Variants in ENTREP2 observed in about 807,000 individuals in gnomAD.
ENTREP2 encodes the protein protein ENTREP2.
At chr15:29,198,639 G>T in the ENTREP2 span, among the ~76,000 whole-genome samples, 1 of 152,170 alleles carries the variant, frequency 6.6e-6, no homozygotes, top group Admixed American at 6.5e-5. Context: ...AACATATTCA[G>T]TTCAATGATT....
At chr15:29,590,464 C>T in the ENTREP2 span, among the ~76,000 whole-genome samples, 1 of 152,006 alleles carries the variant, frequency 6.6e-6, no homozygotes, top group African/African-American at 2.4e-5. Context: ...GGGCAGATCA[C>T]CTGAGGTCAG....
the ENTREP2 span, among the ~76,000 whole-genome samples, chr15:29,257,921 G>A: frequency 6.6e-6 from 1 of 152,002 alleles, no homozygotes; most frequent in Non-Finnish European, 1.5e-5. Context: ...ACATAGAAAG[G>A]GCCAACTTTG....
chr15:29,546,504 A>AAAGT, the ENTREP2 span, among the ~76,000 whole-genome samples: 1 of 152,344 alleles, frequency 6.6e-6, no homozygotes, highest in East Asian at 1.9e-4. Context: ...CAGATGTCAA[A>AAAGT]AAGTACATGG....
chr15:29,252,528 AGG>A, the ENTREP2 span: 2 of 1,079,962 alleles, frequency 1.9e-6, no homozygotes, highest in South Asian at 2.9e-5. Context: ...AGAGGCTCAA[AGG>A]AAAAATGACA....
the ENTREP2 span, among the ~76,000 whole-genome samples, chr15:29,206,633 A>G: frequency 1.5e-4 from 23 of 152,172 alleles, no homozygotes; most frequent in African/African-American, 5.6e-4. Flanking sequence ...TCTGGGACTC[A>G]GTCGGGGACA....
chr15:29,657,035 T>C, the ENTREP2 span, among the ~76,000 whole-genome samples: 5 of 152,066 alleles, frequency 3.3e-5, no homozygotes, highest in Non-Finnish European at 5.9e-5. Flanking sequence ...AGCCGGGCCT[T>C]CGTGGTGAGT....
chr15:29,641,355 G>T, the ENTREP2 span, among the ~76,000 whole-genome samples: 1 of 151,810 alleles, frequency 6.6e-6, no homozygotes, highest in African/African-American at 2.4e-5. Flanking sequence ...AATTGGAAAG[G>T]AAAAAATAAA....
chr15:29,511,329 C>CTTTT, the ENTREP2 span, among the ~76,000 whole-genome samples: 2 of 132,888 alleles, frequency 1.5e-5, no homozygotes, highest in African/African-American at 5.9e-5. Context: ...TACTTTTCTT[C>CTTTT]TTCTTTTTTC....
chr15:29,405,978 G>A, the ENTREP2 span, among the ~76,000 whole-genome samples: 82 of 152,318 alleles, frequency 5.4e-4, no homozygotes, highest in African/African-American at 1.8e-3. Context: ...AGGAAATAAT[G>A]AAACCATCTA....
At chr15:29,656,071 T>C in the ENTREP2 span, among the ~76,000 whole-genome samples, 1 of 150,154 alleles carries the variant, frequency 6.7e-6, no homozygotes, top group East Asian at 1.9e-4. Context: ...GGCATAACAC[T>C]TTTAAAGAGC....
the ENTREP2 span, among the ~76,000 whole-genome samples, chr15:29,512,291 C>G: frequency 6.6e-6 from 1 of 152,052 alleles, no homozygotes; most frequent in Admixed American, 6.6e-5. Context: ...GTCTTGGATT[C>G]AACAAATATG....
At chr15:29,339,044 T>C in the ENTREP2 span, among the ~76,000 whole-genome samples, 2 of 152,090 alleles carry the variant, frequency 1.3e-5, no homozygotes, top group Non-Finnish European at 2.9e-5. Context: ...GCACTGCCAA[T>C]CTCAGCAACA....
the ENTREP2 span, among the ~76,000 whole-genome samples, chr15:29,615,159 C>CT: frequency 2.2e-3 from 314 of 142,278 alleles, no homozygotes; most frequent in South Asian, 9.0e-3. Flanking sequence ...ATTTTTTTTT[C>CT]TTTTTTTTTT....
chr15:29,233,767 A>G, the ENTREP2 span: 2 of 1,533,360 alleles, frequency 1.3e-6, no homozygotes, highest in Non-Finnish European at 1.8e-6. Flanking sequence ...AATCAGTCTG[A>G]TGATGTGTGT....
the ENTREP2 span, among the ~76,000 whole-genome samples, chr15:29,415,169 T>C: frequency 1.3e-5 from 2 of 152,182 alleles, no homozygotes; most frequent in Non-Finnish European, 2.9e-5. Flanking sequence ...AGCATCATCC[T>C]GATACAAAGT....
At chr15:29,157,373 C>T in the ENTREP2 span, among the ~76,000 whole-genome samples, 14 of 152,210 alleles carry the variant, frequency 9.2e-5, no homozygotes, top group Non-Finnish European at 1.9e-4. Context: ...TGGGGGCCTC[C>T]GCAGGCTCCC....
At chr15:29,540,548 C>T in the ENTREP2 span, among the ~76,000 whole-genome samples, 4 of 152,186 alleles carry the variant, frequency 2.6e-5, no homozygotes, top group Non-Finnish European at 5.9e-5. Context: ...AACATAAACA[C>T]GCCGAGACAG....
chr15:29,413,705 T>A, the ENTREP2 span, among the ~76,000 whole-genome samples: 1 of 152,082 alleles, frequency 6.6e-6, no homozygotes, highest in Admixed American at 6.6e-5. Flanking sequence ...AGCTTTGAAA[T>A]TTGCCTGGAC....
chr15:29,411,856 G>A, the ENTREP2 span, among the ~76,000 whole-genome samples: 3 of 152,136 alleles, frequency 2.0e-5, no homozygotes, highest in Non-Finnish European at 4.4e-5. Flanking sequence ...AACCATTTAT[G>A]GTAGACTCCC....
Sources: allele counts gnomAD v4.1 joint callset (sites outside exome capture counted in the v4.1 genomes callset), GRCh38; gene constraint gnomAD v4.1.1; transcripts MANE v1.5; gene names NCBI Gene and HGNC (gene_info 2026-07-23, HGNC 2026-07-21).